PATJ: variants seen among roughly 807,000 people sequenced by gnomAD.
PATJ encodes the protein inaD-like protein.
PATJ carries 190 observed loss-of-function variants against 224.9 expected under a neutral mutation model. The observed-to-expected ratio is 0.84, with a 90% CI of 0.75 to 0.95. PATJ has a LOEUF of 0.95. Ranked by LOEUF, PATJ falls within the 40% of genes least tolerant of loss-of-function variation. The pLI is 0.00. For synonymous variants in PATJ, 769 were observed against 820.3 expected, an observed-to-expected ratio of 0.94 and a Z score of 1.07; for missense variants, 2,121 against 2,270.3, an observed-to-expected ratio of 0.93 and a Z score of 1.34.
chr1:62,140,486 C>G (rs1048865852), intron 41 of PATJ, among the ~76,000 whole-genome samples: 1 of 151,996 alleles, frequency 6.6e-6, no homozygotes, highest in Non-Finnish European at 1.5e-5. Context: ...AACCCCGTCT[C>G]TACTAAAAAT....
At chr1:62,034,644 T>C (rs1268316449) in intron 29 of PATJ, among the ~76,000 whole-genome samples, 8 of 152,142 alleles carry the variant, frequency 5.3e-5, no homozygotes, top group Admixed American at 4.6e-4. Context: ...TCTCCATGGC[T>C]TGATGCTGAG....
At chr1:61,890,020 G>A (rs376840036) in intron 22 of PATJ, among the ~76,000 whole-genome samples, 4 of 152,138 alleles carry the variant, frequency 2.6e-5, no homozygotes, top group Non-Finnish European at 4.4e-5. Context: ...GTGCCCCTAG[G>A]GGGGACATGG....
At chr1:61,760,610 T>C (rs1213007418) in intron 1 of PATJ, among the ~76,000 whole-genome samples, 3 of 142,158 alleles carry the variant, frequency 2.1e-5, no homozygotes, top group African/African-American at 8.0e-5. Flanking sequence ...TTCTTTTCTT[T>C]TTCTTTTTCT....
intron 27 of PATJ, among the ~76,000 whole-genome samples, chr1:61,959,128 G>T (rs1487715294): frequency 6.6e-6 from 1 of 151,956 alleles, no homozygotes; most frequent in Non-Finnish European, 1.5e-5. Context: ...GGTAAAAACA[G>T]CACTGTTCCA....
chr1:62,094,340 G>A (rs747736355), intron 33 of PATJ, among the ~76,000 whole-genome samples: 2 of 152,182 alleles, frequency 1.3e-5, no homozygotes, highest in Non-Finnish European at 2.9e-5. Context: ...GCTACAGTGA[G>A]CTGTGGTGCC....
chr1:61,813,376 T>TAC (rs1280999546), intron 14 of PATJ, among the ~76,000 whole-genome samples: 5 of 36,828 alleles, frequency 1.4e-4, no homozygotes, highest in African/African-American at 3.2e-4. Context: ...TATATATATA[T>TAC]ATACACACAC....
At chr1:62,144,606 A>C (rs2149010836) in intron 41 of PATJ, among the ~76,000 whole-genome samples, 1 of 151,996 alleles carries the variant, frequency 6.6e-6, no homozygotes, top group Non-Finnish European at 1.5e-5. Context: ...AAGGAGGCAA[A>C]ACAGACTTTT....
chr1:61,793,221 G>A lies in PATJ; in HGVS notation c.1168+1774G>A, dbSNP rs369766045. On this transcript the variant is annotated intron_variant, in intron 9 of 43. Transcript: ENST00000642238. ...CCCCAGTAGCTGGGACTATGGGTGC[G>A]CATGTGAAATCCACAGATATGCGGG... is the stretch of plus-strand genomic sequence containing the variant. Among the ~76,000 whole-genome samples the A allele has an allele frequency of 3.5e-4, 54 of 152,206 alleles. No homozygotes were observed. The East Asian group carries it at 6.6e-3, about 19-fold the overall frequency.
intron 27 of PATJ, among the ~76,000 whole-genome samples, chr1:61,965,204 T>C (rs1681955091): frequency 6.7e-6 from 1 of 149,110 alleles, no homozygotes; most frequent in Non-Finnish European, 1.5e-5. Flanking sequence ...TATTTTCTAG[T>C]TGTACCTTTT....
intron 28 of PATJ, among the ~76,000 whole-genome samples, chr1:62,002,329 G>T (rs1463114133): frequency 1.3e-5 from 2 of 152,144 alleles, no homozygotes; most frequent in Non-Finnish European, 2.9e-5. Context: ...CTCTGGATGA[G>T]TTATACTTTA....
chr1:61,863,094 G>C (rs1445421470), intron 19 of PATJ, among the ~76,000 whole-genome samples: 1 of 139,186 alleles, frequency 7.2e-6, no homozygotes, highest in East Asian at 2.1e-4. Context: ...GGAGGGCAGT[G>C]GTGTGATCAT....
At chr1:61,773,800 A>G (rs1158750474) in intron 6 of PATJ, among the ~76,000 whole-genome samples, 7 of 150,192 alleles carry the variant, frequency 4.7e-5, no homozygotes, top group African/African-American at 7.3e-5. Context: ...ACAAAAAACA[A>G]AAAACAAAAA....
chr1:61,747,202 AG>A (rs1645066122), intron 1 of PATJ, among the ~76,000 whole-genome samples: 1 of 137,294 alleles, frequency 7.3e-6, no homozygotes, highest in African/African-American at 2.5e-5. Context: ...TTTCTTCCTT[AG>A]GGTTTTGTGT....
At chr1:61,777,311 TC>T (rs1162495137) in intron 7 of PATJ, among the ~76,000 whole-genome samples, 1 of 151,628 alleles carries the variant, frequency 6.6e-6, no homozygotes, top group Non-Finnish European at 1.5e-5. Flanking sequence ...ATGCCTGTAA[TC>T]CCAGCACTTT....
At chr1:61,847,720 CA>C (rs1662188301) in intron 17 of PATJ, among the ~76,000 whole-genome samples, 1 of 152,120 alleles carries the variant, frequency 6.6e-6, no homozygotes, top group Admixed American at 6.5e-5. Context: ...TTCTCTTTCC[CA>C]AAAGTAAATG....
chr1:62,022,181 A>G lies in PATJ; in HGVS notation c.3959+4234A>G, dbSNP rs78662740. Among the ~76,000 whole-genome samples, 1,308 of 152,326 alleles carry G rather than the reference A, an allele frequency of 8.6e-3. 8 individuals are homozygous for G. Among genetic ancestry groups the G allele is most frequent in the Middle Eastern group, 0.017 (5 of 294 alleles). On this transcript the variant is annotated intron_variant, in intron 29 of 43. Coordinates refer to ENST00000642238, the MANE Select transcript of PATJ (RefSeq NM_001350145.3). ...TAACTAAGGCCTTTAGTCTATAGCAATGTACATTTTGTAATCAGGTCCTTG... is the reference window on the plus strand; with the variant it reads ...TAACTAAGGCCTTTAGTCTATAGCAGTGTACATTTTGTAATCAGGTCCTTG...
chr1:61,999,932 G>T (rs1055742017), intron 28 of PATJ, among the ~76,000 whole-genome samples: 12 of 151,940 alleles, frequency 7.9e-5, no homozygotes, highest in Admixed American at 5.9e-4. Flanking sequence ...ACCCAGACTG[G>T]AGTGCAGTGG....
chr1:61,977,785 C>G (rs1182989933), intron 27 of PATJ, among the ~76,000 whole-genome samples: 1 of 150,996 alleles, frequency 6.6e-6, no homozygotes, highest in Non-Finnish European at 1.5e-5. Flanking sequence ...GAGGCTGAGG[C>G]AGGAGGATCC....
At chr1:61,868,779 A>G (rs1160206890) in intron 20 of PATJ, among the ~76,000 whole-genome samples, 2 of 151,520 alleles carry the variant, frequency 1.3e-5, no homozygotes, top group African/African-American at 4.9e-5. Flanking sequence ...ACAGAGAGAG[A>G]CTCCGTCTCA....
Sources: gnomAD v4.1 joint callset for allele counts (sites outside exome capture counted in the v4.1 genomes callset) on GRCh38, gnomAD v4.1.1 for gene constraint, MANE v1.5 for transcripts, NCBI Gene and HGNC (gene_info 2026-07-23, HGNC 2026-07-21) for gene names.